Variants in PIK3C3 observed in about 807,000 individuals in gnomAD.
PIK3C3 encodes phosphatidylinositol 3-kinase catalytic subunit type 3, also known as PI3-kinase type 3.
In PIK3C3, 95 loss-of-function variants were observed where a neutral mutation model predicts 126.1. The ratio of observed to expected loss-of-function variants is 0.75; its 90% CI spans 0.64 to 0.89. The LOEUF is 0.89. Ranked by LOEUF, PIK3C3 falls within the 40% of genes least tolerant of loss-of-function variation. PIK3C3 has a pLI of 0.00. For synonymous variants in PIK3C3, 374 were observed against 360.0 expected, an observed-to-expected ratio of 1.04 and a Z score of -0.44; for missense variants, 829 against 1,063.2, an observed-to-expected ratio of 0.78 and a Z score of 3.06.
At chr18:42,057,174 C>A (rs1985107239) in intron 21 of PIK3C3, among the ~76,000 whole-genome samples, 1 of 149,886 alleles carries the variant, frequency 6.7e-6, no homozygotes, top group Admixed American at 6.7e-5. Context: ...CAATGTGTTA[C>A]AGATTAGTAA....
chr18:42,004,060 C>T (rs1982421048), intron 9 of PIK3C3, among the ~76,000 whole-genome samples: 2 of 151,974 alleles, frequency 1.3e-5, no homozygotes, highest in African/African-American at 4.8e-5. Flanking sequence ...TGTCTTGAGC[C>T]CTGCAGTATT....
At chr18:42,036,620 G>T (rs1984064307) in intron 16 of PIK3C3, among the ~76,000 whole-genome samples, 2 of 151,344 alleles carry the variant, frequency 1.3e-5, no homozygotes, top group South Asian at 2.1e-4. Context: ...TTTCTAAAAA[G>T]AATATAATTT....
intron 2 of PIK3C3, among the ~76,000 whole-genome samples, chr18:41,958,675 C>CT (rs1979918198): frequency 6.6e-6 from 1 of 150,690 alleles, no homozygotes; most frequent in Non-Finnish European, 1.5e-5. Flanking sequence ...TCTAGCCTAT[C>CT]TATCTGTATA....
chr18:41,956,125 C>T (rs368496747), intron 1 of PIK3C3, among the ~76,000 whole-genome samples: 7 of 152,060 alleles, frequency 4.6e-5, no homozygotes, highest in African/African-American at 1.7e-4. Context: ...AATTATTGAC[C>T]ATAGCATCAT....
At chr18:41,981,074 G>A (rs763611830) in intron 4 of PIK3C3, among the ~76,000 whole-genome samples, 7 of 152,046 alleles carry the variant, frequency 4.6e-5, no homozygotes, top group Non-Finnish European at 1.0e-4. Flanking sequence ...TAAATATCTG[G>A]TATAGCTTTT....
At chr18:42,036,021 A>G (rs1402612243) in intron 16 of PIK3C3, among the ~76,000 whole-genome samples, 1 of 152,192 alleles carries the variant, frequency 6.6e-6, no homozygotes, top group Non-Finnish European at 1.5e-5. Flanking sequence ...TCAAAAAAGA[A>G]ATCACAACAA....
At chr18:41,971,125 C>T (rs1980645403) in intron 4 of PIK3C3, 1 of 152,982 alleles carries the variant, frequency 6.5e-6, no homozygotes, top group South Asian at 2.1e-4. Context: ...GCATTAATTG[C>T]AACGCTGTCA....
At position 41,988,976 on chromosome 18, in the gene PIK3C3, A is replaced by G. The variant is rs72907563; in HGVS notation, c.618+1078A>G. ...ATATTTTTACATTTTAATTTCTTTG[A>G]AAGAAATTACCATTACCACCGCATT... On this transcript the variant is annotated intron_variant, in intron 5 of 24. Coordinates refer to ENST00000262039, the MANE Select transcript of PIK3C3 (RefSeq NM_002647.4). Among the ~76,000 whole-genome samples, 925 of 152,264 alleles carry G rather than the reference A, an allele frequency of 6.1e-3. 6 individuals are homozygous for G. Among genetic ancestry groups the G allele is most frequent in the Admixed American group, 8.5e-3 (130 of 15,276 alleles).
At chr18:41,990,367 T>C (rs1196834169) in intron 5 of PIK3C3, 92 bp from the exon 6 acceptor site, 7 of 722,062 alleles carry the variant, frequency 9.7e-6, no homozygotes, top group Non-Finnish European at 1.5e-5. Flanking sequence ...GATAGATACA[T>C]GTATTACTGA....
rs181536571 is a variant in PIK3C3 at position 41,977,633 on chromosome 18, G to A, written c.531+7177G>A. ...CTGCTGAGTAGCTGGGATTACAGGT[G>A]CGTGCCGCCATGCCCGGCTAATTTT... On this transcript the variant is annotated intron_variant, in intron 4 of 24. Transcript: ENST00000262039. 5.7e-4 allele frequency among the ~76,000 whole-genome samples: 87 copies of A among 152,042 alleles called. 1 individual carries two copies. The highest frequency in any genetic ancestry group is 2.3e-3 in the South Asian group (11 of 4,822).
chr18:41,956,184 A>G (rs1445656416), intron 1 of PIK3C3, among the ~76,000 whole-genome samples: 1 of 152,226 alleles, frequency 6.6e-6, no homozygotes, highest in Non-Finnish European at 1.5e-5. Context: ...TATTCAACAA[A>G]TATGTGTCGG....
At chr18:42,031,598 G>A (rs1280112709) in intron 15 of PIK3C3, among the ~76,000 whole-genome samples, 1 of 152,024 alleles carries the variant, frequency 6.6e-6, no homozygotes, top group Non-Finnish European at 1.5e-5. Context: ...CTAATTTTTA[G>A]TAAAGATGGG....
chr18:41,963,044 G>T (rs910925868), intron 3 of PIK3C3, among the ~76,000 whole-genome samples: 1 of 151,922 alleles, frequency 6.6e-6, no homozygotes, highest in Non-Finnish European at 1.5e-5. Flanking sequence ...TGATAGAAAA[G>T]ATAATTCAGT....
At chr18:42,066,859 C>G (rs1985562554) in intron 23 of PIK3C3, among the ~76,000 whole-genome samples, 1 of 151,936 alleles carries the variant, frequency 6.6e-6, no homozygotes, top group Admixed American at 6.6e-5. Context: ...TAGGGAAATT[C>G]AATAGGAAAG....
chr18:42,081,353 A>G lies in PIK3C3; in HGVS notation c.*216A>G, dbSNP rs985602199. On this transcript the variant is annotated 3_prime_UTR_variant, in exon 25 of 25. Coordinates refer to ENST00000262039, the MANE Select transcript of PIK3C3 (RefSeq NM_002647.4). ...AAGGGCTTGTTTTGAAATATTGTAT[A>G]TATTTTTTCAAATGTATACATTGTT... The G allele has an allele frequency of 2.2e-5, 9 of 413,682 alleles. No homozygotes were observed. Among genetic ancestry groups the G allele is most frequent in the Non-Finnish European group, 3.9e-5 (9 of 227,954 alleles). The allele number at this position is 413,682 out of a possible 1,614,324, so 25.6% of individuals were successfully genotyped here.
intron 10 of PIK3C3, among the ~76,000 whole-genome samples, chr18:42,010,396 C>G (rs1353787261): frequency 6.6e-6 from 1 of 152,124 alleles, no homozygotes; most frequent in East Asian, 1.9e-4. Context: ...GATGGAGTCT[C>G]CTTCTGTTGC....
intron 4 of PIK3C3, among the ~76,000 whole-genome samples, chr18:41,976,877 A>G (rs1229569999): frequency 6.6e-6 from 1 of 152,222 alleles, no homozygotes; most frequent in Non-Finnish European, 1.5e-5. Flanking sequence ...ATTTATGGTT[A>G]CATATTTGGT....
At chr18:41,973,980 A>G (rs1302040280) in intron 4 of PIK3C3, among the ~76,000 whole-genome samples, 1 of 152,168 alleles carries the variant, frequency 6.6e-6, no homozygotes, top group African/African-American at 2.4e-5. Context: ...AAGACTAAAA[A>G]GATATACATA....
In PIK3C3 at chr18:42,084,373, T is replaced by G. The variant is rs1449172529; in HGVS notation, c.*3236T>G. On this transcript the variant is annotated 3_prime_UTR_variant, in exon 25 of 25. Transcript: ENST00000262039. ...ACTTTAGTGCCAAATGGAAAATAAT[T>G]TTTTACAAGTAAATTTGAAGAACAA... 2 of 152,154 alleles carry G rather than the reference T, an allele frequency of 1.3e-5. No individual in the cohort carries two copies. Among genetic ancestry groups the G allele is most frequent in the African/African-American group, 4.8e-5 (2 of 41,524 alleles). 9.4% of individuals were successfully genotyped at this position (152,154 alleles called of 1,614,324 possible). A position where few individuals can be genotyped will look rare whatever the true frequency, so the allele number is the denominator to read the frequency against.
Sources: gnomAD v4.1 joint callset for allele counts (sites outside exome capture counted in the v4.1 genomes callset) on GRCh38, gnomAD v4.1.1 for gene constraint, MANE v1.5 for transcripts, NCBI Gene and HGNC (gene_info 2026-07-23, HGNC 2026-07-21) for gene names.